ASIC2: variants seen among roughly 807,000 people sequenced by gnomAD.
The protein encoded by ASIC2 is acid sensing ion channel subunit 2, also known as acid-sensing ion channel 2.
A neutral mutation model predicts 57.3 loss-of-function variants in ASIC2; 25 were observed. That is an observed-to-expected ratio of 0.44 (90% CI 0.32 to 0.61). The LOEUF (loss-of-function observed/expected upper bound fraction) is 0.61. Among genes scored for constraint, ASIC2 ranks in the 20% least tolerant of loss-of-function variants. The probability of loss-of-function intolerance (pLI) is 0.06; values close to 1 mark genes in which losing one functional copy is unlikely to be tolerated. For synonymous variants in ASIC2, 319 were observed against 307.5 expected, an observed-to-expected ratio of 1.04 and a Z score of -0.39; for missense variants, 641 against 738.1, an observed-to-expected ratio of 0.87 and a Z score of 1.52.
chr17:33,659,229 T>A (rs1907172094), intron 1 of ASIC2, among the ~76,000 whole-genome samples: 1 of 152,170 alleles, frequency 6.6e-6, no homozygotes, highest in Admixed American at 6.5e-5. Flanking sequence ...AGCATATCAT[T>A]ACATTACGGT....
chr17:33,024,037 G>C, intron 5 of ASIC2, 23 bp from the exon 6 acceptor site: 2 of 1,613,802 alleles, frequency 1.2e-6, no homozygotes, highest in Non-Finnish European at 1.7e-6. Context: ...GTGAGGTGGG[G>C]CTTAGTCAGG....
intron 1 of ASIC2, among the ~76,000 whole-genome samples, chr17:34,059,687 G>C (rs1908898724): frequency 6.6e-6 from 1 of 152,164 alleles, no homozygotes; most frequent in Admixed American, 6.5e-5. Context: ...CCTTTGGTTG[G>C]CATAGGAGCT....
intron 1 of ASIC2, among the ~76,000 whole-genome samples, chr17:33,491,488 G>T (rs1210866660): frequency 6.6e-6 from 1 of 152,194 alleles, no homozygotes; most frequent in Non-Finnish European, 1.5e-5. Flanking sequence ...TTCTATGGGA[G>T]AGCGGCTAAT....
intron 1 of ASIC2, among the ~76,000 whole-genome samples, chr17:33,495,682 C>T (rs1009588536): frequency 7.2e-5 from 11 of 152,200 alleles, no homozygotes; most frequent in African/African-American, 2.7e-4. Context: ...GGCCAGGCCC[C>T]CCACCCTCCT....
intron 1 of ASIC2, among the ~76,000 whole-genome samples, chr17:33,315,756 A>C (rs1184759027): frequency 2.6e-5 from 4 of 152,256 alleles, no homozygotes; most frequent in African/African-American, 9.6e-5. Context: ...GATGTCTTCC[A>C]CAATGACCCT....
chr17:33,501,167 G>T (rs915157352), intron 1 of ASIC2, among the ~76,000 whole-genome samples: 1 of 152,228 alleles, frequency 6.6e-6, no homozygotes, highest in Non-Finnish European at 1.5e-5. Flanking sequence ...AATCCCTGGA[G>T]ATGCTGAGTG....
At chr17:33,145,966 G>A (rs897110678) in intron 1 of ASIC2, among the ~76,000 whole-genome samples, 4 of 152,220 alleles carry the variant, frequency 2.6e-5, no homozygotes, top group African/African-American at 9.6e-5. Flanking sequence ...GGCCAGTGGA[G>A]ATCCATGGCC....
intron 1 of ASIC2, among the ~76,000 whole-genome samples, chr17:33,753,839 A>G (rs547163025): frequency 6.0e-4 from 91 of 152,164 alleles, no homozygotes; most frequent in Admixed American, 3.3e-4. Flanking sequence ...TCAAATATAG[A>G]AGTACAGAGT....
At chr17:33,443,098 T>C (rs2141985141) in intron 1 of ASIC2, among the ~76,000 whole-genome samples, 1 of 152,358 alleles carries the variant, frequency 6.6e-6, no homozygotes, top group Admixed American at 6.5e-5. Context: ...CTTGTATTGC[T>C]GGAGCATATG....
At chr17:33,619,173 G>C (rs1416429058) in intron 1 of ASIC2, among the ~76,000 whole-genome samples, 1 of 152,158 alleles carries the variant, frequency 6.6e-6, no homozygotes, top group Non-Finnish European at 1.5e-5. Context: ...AGTCAAACTT[G>C]TCTGTAAATA....
intron 1 of ASIC2, among the ~76,000 whole-genome samples, chr17:33,972,501 A>G (rs1335624489): frequency 3.9e-5 from 6 of 152,238 alleles, no homozygotes; most frequent in African/African-American, 1.2e-4. Flanking sequence ...TGGTCCAGCT[A>G]TGTGGTTTCT....
At chr17:34,072,550 A>C (rs1909455526) in intron 1 of ASIC2, among the ~76,000 whole-genome samples, 1 of 152,226 alleles carries the variant, frequency 6.6e-6, no homozygotes, top group Non-Finnish European at 1.5e-5. Flanking sequence ...TTATAATGAA[A>C]AATATACAAA....
At chr17:33,366,280 G>A (rs1412793249) in intron 1 of ASIC2, among the ~76,000 whole-genome samples, 1 of 152,170 alleles carries the variant, frequency 6.6e-6, no homozygotes, top group Non-Finnish European at 1.5e-5. Context: ...GTATAATTCT[G>A]GAGAAAGACC....
At chr17:33,669,600 G>A (rs1042461576) in intron 1 of ASIC2, among the ~76,000 whole-genome samples, 1 of 152,160 alleles carries the variant, frequency 6.6e-6, no homozygotes, top group African/African-American at 2.4e-5. Context: ...CCACTGACCA[G>A]CTTGTGTTAA....
intron 1 of ASIC2, among the ~76,000 whole-genome samples, chr17:33,715,173 AT>A (rs1337235512): frequency 6.7e-6 from 1 of 150,202 alleles, no homozygotes; most frequent in Admixed American, 6.6e-5. Flanking sequence ...CTAATTTTAA[AT>A]TTTTTTTAAT....
intron 1 of ASIC2, among the ~76,000 whole-genome samples, chr17:34,082,999 GT>G (rs201083880): frequency 5.4e-5 from 8 of 148,110 alleles, no homozygotes; most frequent in East Asian, 2.0e-4. Flanking sequence ...ATTTGTTCTT[GT>G]TTTTTTTTCC....
At chr17:33,776,750 G>A (rs1911292953) in intron 1 of ASIC2, among the ~76,000 whole-genome samples, 1 of 152,118 alleles carries the variant, frequency 6.6e-6, no homozygotes, top group Admixed American at 6.5e-5. Flanking sequence ...TCACACCCTC[G>A]CTCTGTGACT....
At chr17:33,863,867 C>T (rs1914159300) in intron 1 of ASIC2, among the ~76,000 whole-genome samples, 1 of 151,860 alleles carries the variant, frequency 6.6e-6, no homozygotes, top group Non-Finnish European at 1.5e-5. Flanking sequence ...TTTTATTATG[C>T]TCACTTTTAC....
chr17:33,475,002 A>G (rs1433242696), intron 1 of ASIC2, among the ~76,000 whole-genome samples: 1 of 152,088 alleles, frequency 6.6e-6, no homozygotes, highest in Admixed American at 6.5e-5. Flanking sequence ...AATCCTCTCC[A>G]GGATGGTTTT....
Sources: gnomAD v4.1 joint callset for allele counts (sites outside exome capture counted in the v4.1 genomes callset) on GRCh38, gnomAD v4.1.1 for gene constraint, MANE v1.5 for transcripts, NCBI Gene and HGNC (gene_info 2026-07-23, HGNC 2026-07-21) for gene names.